The following FRAS1 variants were observed in gnomAD, a reference collection of about 807,000 sequenced individuals.
FRAS1 encodes extracellular matrix organizing protein FRAS1.
In FRAS1, 290 loss-of-function variants were observed where a neutral mutation model predicts 435.2. The observed-to-expected ratio is 0.67, with a 90% CI of 0.61 to 0.73. The LOEUF is 0.73. FRAS1 is among the 30% of genes least tolerant of loss of function. The pLI, the probability that FRAS1 is intolerant of heterozygous loss-of-function variation, is 0.00. For synonymous variants in FRAS1, 1,800 were observed against 1,851.0 expected (o/e 0.97, Z 0.71); for missense variants, 4,860 against 5,001.5 (o/e 0.97, Z 0.85).
At chr4:78,165,011 G>A (rs1022200325) in intron 2 of FRAS1, among the ~76,000 whole-genome samples, 10 of 152,116 alleles carry the variant, frequency 6.6e-5, no homozygotes, top group African/African-American at 2.4e-4. Flanking sequence ...CTTTAAGTCA[G>A]ATTACAAATT....
At chr4:78,167,538 T>G (rs1218774128) in intron 2 of FRAS1, among the ~76,000 whole-genome samples, 1 of 152,040 alleles carries the variant, frequency 6.6e-6, no homozygotes, top group Non-Finnish European at 1.5e-5. Context: ...TAATATTGAT[T>G]ATTATTATAG....
Position 78,429,245 on chromosome 4 carries a change from A to T in FRAS1, c.4843+19A>T, listed in dbSNP as rs1734119704. 1.9e-6 allele frequency: 3 copies of T among 1,598,718 alleles called. No individual in the cohort carries two copies. Among genetic ancestry groups the T allele is most frequent in the Non-Finnish European group, 2.6e-6 (3 of 1,171,722 alleles). ...TCTGTAGGTAAGAACTGGGAGCCTG[A>T]TAGAAACATGGCTTTGGAAATGGGA... On this transcript the variant is annotated intron_variant, in intron 36 of 73. Transcript: ENST00000512123.
chr4:78,287,485 C>T (rs1174557971), intron 14 of FRAS1, among the ~76,000 whole-genome samples: 1 of 151,906 alleles, frequency 6.6e-6, no homozygotes, highest in African/African-American at 2.4e-5. Context: ...GGCAGATAGA[C>T]CAGGGGAAGG....
At chr4:78,100,277 A>G (rs1742056353) in intron 2 of FRAS1, among the ~76,000 whole-genome samples, 1 of 152,162 alleles carries the variant, frequency 6.6e-6, no homozygotes, top group Non-Finnish European at 1.5e-5. Flanking sequence ...TCTTGAGGGT[A>G]CTCCAGGGAT....
intron 2 of FRAS1, among the ~76,000 whole-genome samples, chr4:78,112,206 A>T (rs1742765533): frequency 6.6e-6 from 1 of 152,174 alleles, no homozygotes; most frequent in African/African-American, 2.4e-5. Context: ...TGCTTGATAA[A>T]AAGTAATAAC....
intron 3 of FRAS1, among the ~76,000 whole-genome samples, chr4:78,240,372 G>A (rs909213677): frequency 2.0e-5 from 3 of 152,144 alleles, no homozygotes; most frequent in African/African-American, 7.2e-5. Flanking sequence ...GATAAGGGCA[G>A]GTGTGACAAG....
rs60130624 is a variant in FRAS1, at chr4:78,143,903, C to CAAAA, written c.108+77904_108+77907dup. 5.1e-5 allele frequency among the ~76,000 whole-genome samples: 4 copies of CAAAA among 78,112 alleles called. No homozygotes were observed. The Admixed American group carries it at 5.2e-4, about 10-fold the overall frequency. 51.2% of individuals were successfully genotyped at this position (78,112 alleles called of 152,430 possible). ...TGGGTGATACAGTGAGACCCTGTCT[C>CAAAA]AAAAAAAAAAAAAAAAAAAAGTTGA... is the stretch of plus-strand genomic sequence containing the variant. On this transcript the variant is annotated intron_variant, in intron 2 of 73. Coordinates refer to ENST00000512123, the MANE Select transcript of FRAS1 (RefSeq NM_025074.7).
chr4:78,398,623 A>G (rs1357357225), intron 29 of FRAS1, among the ~76,000 whole-genome samples: 3 of 152,248 alleles, frequency 2.0e-5, no homozygotes, highest in Non-Finnish European at 4.4e-5. Flanking sequence ...GGTTGTTGGC[A>G]TATGACTGGT....
In FRAS1 at chr4:78,358,028, A is replaced by G. The variant is rs186107935; in HGVS notation, c.2423-5485A>G. Among the ~76,000 whole-genome samples, 108 of 152,232 alleles carry G rather than the reference A, an allele frequency of 7.1e-4. 1 individual carries two copies. The highest frequency in any genetic ancestry group is 2.6e-3 in the African/African-American group (106 of 41,542). On this transcript the variant is annotated intron_variant, in intron 20 of 73. Coordinates refer to ENST00000512123, the MANE Select transcript of FRAS1 (RefSeq NM_025074.7). ...TGATGACCCCATGCTTCCTGGTCCA[A>G]TGGGGGATGGTGACAGTGGATGAGG...
intron 14 of FRAS1, among the ~76,000 whole-genome samples, chr4:78,297,684 CT>C (rs1270508449): frequency 1.3e-5 from 2 of 152,156 alleles, no homozygotes; most frequent in Non-Finnish European, 2.9e-5. Flanking sequence ...AAAAAGATAG[CT>C]TTCTCTTATT....
chr4:78,171,042 C>T (rs566990643), intron 2 of FRAS1, among the ~76,000 whole-genome samples: 2 of 151,994 alleles, frequency 1.3e-5, no homozygotes, highest in Admixed American at 6.6e-5. Context: ...AATGAACCAG[C>T]AATTTTAGGG....
intron 29 of FRAS1, among the ~76,000 whole-genome samples, chr4:78,397,909 A>T (rs894925470): frequency 6.6e-6 from 1 of 152,140 alleles, no homozygotes; most frequent in Non-Finnish European, 1.5e-5. Context: ...GGAGGAGAGT[A>T]TTAGGGTAAA....
intron 2 of FRAS1, among the ~76,000 whole-genome samples, chr4:78,166,781 C>T (rs1721348768): frequency 6.6e-6 from 1 of 152,092 alleles, no homozygotes; most frequent in Non-Finnish European, 1.5e-5. Flanking sequence ...GACCAAGTTC[C>T]CTCTAATGGA....
At chr4:78,338,196 C>A (rs1043983915) in intron 20 of FRAS1, among the ~76,000 whole-genome samples, 1 of 151,988 alleles carries the variant, frequency 6.6e-6, no homozygotes, top group East Asian at 1.9e-4. Context: ...TGTGGAGAAT[C>A]TTTGCCATCA....
In FRAS1 at chr4:78,438,972, G is replaced by A. The variant is rs773991907; in HGVS notation, c.5437G>A (p.Asp1813Asn). 6.2e-7 allele frequency: 1 copy of A among 1,613,302 alleles called. No homozygotes were observed. The highest frequency in any genetic ancestry group is 8.5e-7 in the Non-Finnish European group (1 of 1,179,506). Reference sequence around the variant, plus strand: ...CTTCTATTTCTCTGTCTCTGACATGGACCACAACCATCTGGATAATCAGAT... The same window carrying A: ...CTTCTATTTCTCTGTCTCTGACATGAACCACAACCATCTGGATAATCAGAT... Reference protein sequence around the residue: ...DSFYFSVSDMDHNHLDNQIFT... With the variant: ...DSFYFSVSDMNHNHLDNQIFT... The change falls in exon 40 of 74, where the codon GAC becomes AAC. Residue 1813 changes from aspartate (D) to asparagine (N), a missense_variant. Transcript: ENST00000512123.
At chr4:78,250,187 T>C (rs1195878020) in intron 4 of FRAS1, among the ~76,000 whole-genome samples, 1 of 152,096 alleles carries the variant, frequency 6.6e-6, no homozygotes, top group South Asian at 2.1e-4. Flanking sequence ...AAGAGAAAAG[T>C]ATACAAGCAG....
At chr4:78,251,597 C>T (rs1725534737) in intron 4 of FRAS1, among the ~76,000 whole-genome samples, 1 of 152,192 alleles carries the variant, frequency 6.6e-6, no homozygotes, top group South Asian at 2.1e-4. Context: ...CACTGTTCTA[C>T]TCTGGATTGA....
intron 14 of FRAS1, among the ~76,000 whole-genome samples, chr4:78,307,223 T>C (rs145133358): frequency 0.022 from 3,404 of 152,290 alleles, 128 homozygotes; most frequent in African/African-American, 0.076. Context: ...TCTGCCAGTT[T>C]TCAGATCTCA....
intron 2 of FRAS1, among the ~76,000 whole-genome samples, chr4:78,230,884 G>A (rs1280310831): frequency 1.3e-5 from 2 of 152,130 alleles, no homozygotes; most frequent in African/African-American, 4.8e-5. Flanking sequence ...CTGTAGTCCA[G>A]GGTCTATCTA....
Sources: allele counts gnomAD v4.1 joint callset (sites outside exome capture counted in the v4.1 genomes callset), GRCh38; gene constraint gnomAD v4.1.1; transcripts MANE v1.5; gene names NCBI Gene and HGNC (gene_info 2026-07-23, HGNC 2026-07-21).